ATAD2B: variants seen among roughly 807,000 people sequenced by gnomAD.
ATAD2B encodes the protein ATPase family AAA domain-containing protein 2B.
In ATAD2B, 40 loss-of-function variants were observed where a neutral mutation model predicts 167.6. The observed-to-expected ratio is 0.24, with a 90% confidence interval of 0.19 to 0.31. The LOEUF is 0.31. ATAD2B is among the 10% of genes least tolerant of loss of function. ATAD2B has a pLI of 1.00. For synonymous variants in ATAD2B, 579 were observed against 596.5 expected (o/e 0.97, Z 0.43); for missense variants, 1,242 against 1,757.2 (o/e 0.71, Z 5.24).
intron 25 of ATAD2B, among the ~76,000 whole-genome samples, chr2:23,755,499 T>A (rs1169422498): frequency 6.6e-6 from 1 of 152,086 alleles, no homozygotes; most frequent in African/African-American, 2.4e-5. Flanking sequence ...GGGTAGACCA[T>A]GGAGCCCTGT....
chr2:23,922,013 A>G (rs972661510), intron 1 of ATAD2B, among the ~76,000 whole-genome samples: 3 of 152,204 alleles, frequency 2.0e-5, no homozygotes, highest in African/African-American at 7.2e-5. Context: ...AGGTGATAAA[A>G]GTATACTAAA....
intron 20 of ATAD2B, among the ~76,000 whole-genome samples, chr2:23,787,712 G>C (rs1681036856): frequency 6.6e-6 from 1 of 152,012 alleles, no homozygotes; most frequent in Admixed American, 6.6e-5. Context: ...TACAAGAAGG[G>C]CTCTAAGAAA....
At chr2:23,739,282 T>C in the ATAD2B span, among the ~76,000 whole-genome samples, 397 of 152,206 alleles carry the variant, frequency 2.6e-3, 1 homozygote, top group Admixed American at 3.8e-3. Context: ...TACTCCAAAA[T>C]TGACCACATA....
rs1687172317 is a variant in ATAD2B at position 23,819,748 on chromosome 2, T to C, written c.2266A>G (p.Met756Val). 1.3e-6 allele frequency: 2 copies of C among 1,594,336 alleles called. No homozygotes were observed. Among genetic ancestry groups the C allele is most frequent in the Non-Finnish European group, 8.5e-7 (1 of 1,170,664 alleles). Residue 756 changes from methionine (M) to valine (V), a missense_variant and splice_region_variant, in exon 17 of 28, where the codon ATG becomes GTG. Physicochemically the swap from Met to Val is conservative, Grantham distance 21 (BLOSUM62 1). Coordinates refer to ENST00000238789, the MANE Select transcript of ATAD2B (RefSeq NM_017552.4). ...AGAAAGTTGATATAAATCACTCACA[T>C]TGTAAAATGAAGGTAGGGTTTATGT... ...AIHKPYLHFTMSPYHQPTSYR... is the reference protein window; with the variant it reads ...AIHKPYLHFTVSPYHQPTSYR...
At chr2:23,909,635 A>G (rs1353722824) in intron 1 of ATAD2B, among the ~76,000 whole-genome samples, 1 of 152,116 alleles carries the variant, frequency 6.6e-6, no homozygotes, top group Admixed American at 6.6e-5. Flanking sequence ...CAGCTTTAAC[A>G]GTGGTTATCC....
At chr2:23,721,239 C>T in the ATAD2B span, among the ~76,000 whole-genome samples, 1 of 152,200 alleles carries the variant, frequency 6.6e-6, no homozygotes, top group African/African-American at 2.4e-5. Context: ...CCCTCAGGTG[C>T]CCCACCCCAT....
intron 19 of ATAD2B, among the ~76,000 whole-genome samples, chr2:23,789,351 GTATT>G (rs909847906): frequency 1.3e-5 from 2 of 152,142 alleles, no homozygotes; most frequent in Non-Finnish European, 2.9e-5. Flanking sequence ...ATTAAACACT[GTATT>G]TAATTTTTAT....
At chr2:23,825,887 A>G (rs1297380209) in intron 15 of ATAD2B, among the ~76,000 whole-genome samples, 1 of 152,222 alleles carries the variant, frequency 6.6e-6, no homozygotes, top group African/African-American at 2.4e-5. Flanking sequence ...AATTACATAT[A>G]TAACAGCAAT....
At chr2:23,763,707 G>C (rs1052936800) in intron 23 of ATAD2B, among the ~76,000 whole-genome samples, 7 of 151,882 alleles carry the variant, frequency 4.6e-5, no homozygotes, top group Admixed American at 1.3e-4. Flanking sequence ...CTCCCAACTC[G>C]GCCTTCCAAA....
chr2:23,921,913 C>T (rs1157698067), intron 1 of ATAD2B, among the ~76,000 whole-genome samples: 1 of 152,192 alleles, frequency 6.6e-6, no homozygotes, highest in African/African-American at 2.4e-5. Flanking sequence ...ATTTCCCTCT[C>T]AGACTTCTTT....
chr2:23,874,963 G>A (rs1044506843), intron 8 of ATAD2B, among the ~76,000 whole-genome samples: 1 of 151,704 alleles, frequency 6.6e-6, no homozygotes, highest in Non-Finnish European at 1.5e-5. Context: ...GGCTGAGGCA[G>A]GAGAATGGCG....
chr2:23,780,482 A>G (rs1679858399), intron 22 of ATAD2B, among the ~76,000 whole-genome samples: 1 of 152,188 alleles, frequency 6.6e-6, no homozygotes, highest in Admixed American at 6.5e-5. Context: ...GCAATTATAG[A>G]ATCTGTGATT....
In ATAD2B at chr2:23,836,491, T is replaced by C. The variant is rs1374880859; in HGVS notation, c.1569-2413A>G. Among the ~76,000 whole-genome samples, 4 of 152,322 alleles carry C rather than the reference T, an allele frequency of 2.6e-5. No individual in the cohort carries two copies. The East Asian group carries it at 7.7e-4, about 29-fold the overall frequency. ...GCATGTTTCAGCCCTGTTTGTATTA[T>C]AGCTCTTTCAGCCCTGCCATCTGAC... On this transcript the variant is annotated intron_variant, in intron 13 of 27. Coordinates refer to ENST00000238789, the MANE Select transcript of ATAD2B (RefSeq NM_017552.4).
rs773466667 is a variant in ATAD2B, at chr2:23,798,201, T to C, written c.2577A>G (p.Pro859=). Residue 859 remains proline, a synonymous_variant, in exon 19 of 28, where the codon CCA becomes CCG. Coordinates refer to ENST00000238789, the MANE Select transcript of ATAD2B (RefSeq NM_017552.4). ...ACAATAAAAATATAGGTGAAAATGATGGTATATCTTGTAGCAATGTCAGAA... is the reference window on the plus strand; with the variant it reads ...ACAATAAAAATATAGGTGAAAATGACGGTATATCTTGTAGCAATGTCAGAA... ...ATFLTLLQDI[P]SFSPIFLLST... 5.6e-6 allele frequency: 9 copies of C among 1,606,606 alleles called. No homozygotes were observed. The highest frequency in any genetic ancestry group is 1.1e-5 in the South Asian group (1 of 90,248).
At chr2:23,713,066 G>C in the ATAD2B span, among the ~76,000 whole-genome samples, 1 of 152,258 alleles carries the variant, frequency 6.6e-6, no homozygotes, top group East Asian at 1.9e-4. Context: ...GCAGCCTACA[G>C]ATGACTGAAG....
At chr2:23,682,126 C>T in the ATAD2B span, among the ~76,000 whole-genome samples, 1 of 152,180 alleles carries the variant, frequency 6.6e-6, no homozygotes, top group African/African-American at 2.4e-5. The surrounding 1 kb of genome is among the most constrained non-coding windows in gnomAD (Gnocchi z 4.1). Flanking sequence ...CTCCCCACTT[C>T]CTTCCTGCAC....
At chr2:23,792,602 A>C (rs990354310) in intron 19 of ATAD2B, among the ~76,000 whole-genome samples, 2 of 152,156 alleles carry the variant, frequency 1.3e-5, no homozygotes, top group Non-Finnish European at 2.9e-5. Context: ...ATTAAATAAA[A>C]ATAGAAATAG....
chr2:23,738,468 G>A, the ATAD2B span, among the ~76,000 whole-genome samples: 1 of 152,108 alleles, frequency 6.6e-6, no homozygotes, highest in South Asian at 2.1e-4. Flanking sequence ...AAGTGAAGGA[G>A]AAATAAAACA....
rs542893637 is a variant in ATAD2B, at chr2:23,775,459, G to A, written c.3133+7410C>T. Reference sequence around the variant, plus strand: ...GATCTCTTGCCCTCGTGATCCGCCCGCCTTGGCCTCTCAAAGTGCTAGGAT... The same window carrying A: ...GATCTCTTGCCCTCGTGATCCGCCCACCTTGGCCTCTCAAAGTGCTAGGAT... On this transcript the variant is annotated intron_variant, in intron 22 of 27. Transcript: ENST00000238789. Among the ~76,000 whole-genome samples the A allele has an allele frequency of 7.2e-5, 11 of 152,110 alleles. No individual in the cohort carries two copies. The East Asian group carries it at 7.7e-4, about 11-fold the overall frequency.
Sources: gnomAD v4.1 joint callset for allele counts (sites outside exome capture counted in the v4.1 genomes callset) on GRCh38, gnomAD v4.1.1 for gene constraint, Gnocchi (gnomAD v3.1) non-coding constraint, MANE v1.5 for transcripts, NCBI Gene and HGNC (gene_info 2026-07-23, HGNC 2026-07-21) for gene names.